Variants in SRSF4 observed in about 807,000 individuals in gnomAD.
SRSF4 encodes serine/arginine-rich splicing factor 4.
A neutral mutation model predicts 48.8 loss-of-function variants in SRSF4; 12 were observed. That is an observed-to-expected ratio of 0.25 (90% CI 0.16 to 0.40). The LOEUF (loss-of-function observed/expected upper bound fraction) is 0.40. SRSF4 is among the 10% of genes least tolerant of loss of function. SRSF4 has a pLI of 1.00. For missense variants in SRSF4, 466 were observed against 667.1 expected (o/e 0.70, Z 3.32); for synonymous variants, 248 against 232.5 (o/e 1.07, Z -0.61).
chr1:29,149,835 C>T (rs1043282028), intron 5 of SRSF4, among the ~76,000 whole-genome samples: 1 of 151,720 alleles, frequency 6.6e-6, no homozygotes, highest in African/African-American at 2.4e-5. Flanking sequence ...TTAAGATTAG[C>T]CTGGGCAACA....
intron 1 of SRSF4, among the ~76,000 whole-genome samples, chr1:29,164,841 G>T (rs999704689): frequency 6.6e-6 from 1 of 152,262 alleles, no homozygotes; most frequent in African/African-American, 2.4e-5. Context: ...CACCCTTCAA[G>T]TAAGAGAAGA....
At chr1:29,159,581 C>G (rs1463610871) in intron 2 of SRSF4, 95 bp from the exon 3 acceptor site, 4 of 714,754 alleles carry the variant, frequency 5.6e-6, no homozygotes, top group Non-Finnish European at 9.1e-6. Context: ...TTATTTACCC[C>G]CACCCCAAAC....
intron 4 of SRSF4, among the ~76,000 whole-genome samples, 176 bp from the exon 5 acceptor site, chr1:29,150,368 G>A (rs755916415): frequency 2.6e-5 from 4 of 152,024 alleles, no homozygotes; most frequent in African/African-American, 7.3e-5. Flanking sequence ...GAGTTCAAGC[G>A]ATTCTCCTGC....
rs373870546 is a variant in SRSF4, at chr1:29,148,327, T to A, written c.*83A>T. ...GAGTTAAAAATGTACAGCAGTGACA[T>A]GTTCTACTCCAATCACTTGTGCTAC... On this transcript the variant is annotated 3_prime_UTR_variant, in exon 6 of 6. Coordinates refer to ENST00000373795, the MANE Select transcript of SRSF4 (RefSeq NM_005626.5). 9.3e-6 allele frequency: 14 copies of A among 1,504,176 alleles called. No individual in the cohort carries two copies. In the East Asian group the frequency reaches 1.1e-4, roughly 12 times the overall value. The allele number at this position is 1,504,176 out of a possible 1,614,324, so 93.2% of individuals were successfully genotyped here. A position where few individuals can be genotyped will look rare whatever the true frequency, so the allele number is the denominator to read the frequency against.
intron 1 of SRSF4, among the ~76,000 whole-genome samples, chr1:29,175,295 C>A (rs1672822215): frequency 6.6e-6 from 1 of 151,942 alleles, no homozygotes; most frequent in South Asian, 2.1e-4. Context: ...CACCTGTAAT[C>A]CCAGCTACTT....
At chr1:29,155,816 A>C (rs960263617) in intron 3 of SRSF4, among the ~76,000 whole-genome samples, 2 of 152,198 alleles carry the variant, frequency 1.3e-5, no homozygotes, top group African/African-American at 4.8e-5. Flanking sequence ...TTATAGTGAC[A>C]AATTATTTGT....
chr1:29,154,981 G>T, intron 3 of SRSF4, 71 bp from the exon 4 acceptor site: 2 of 1,395,368 alleles, frequency 1.4e-6, no homozygotes, highest in South Asian at 1.3e-5. Flanking sequence ...TCATCTGAGT[G>T]AATTTTTCCT....
chr1:29,174,191 C>T (rs1672797825), intron 1 of SRSF4, among the ~76,000 whole-genome samples: 1 of 95,750 alleles, frequency 1.0e-5, no homozygotes, highest in Admixed American at 1.3e-4. Flanking sequence ...GAGACCCCAT[C>T]TCAAAAAAAA....
At chr1:29,177,542 A>C (rs948882394) in intron 1 of SRSF4, among the ~76,000 whole-genome samples, 1 of 152,178 alleles carries the variant, frequency 6.6e-6, no homozygotes, top group Non-Finnish European at 1.5e-5. Flanking sequence ...TTGGCCTCTC[A>C]AAGTGCCGGG....
At chr1:29,181,498 C>A (rs1672956525) in intron 1 of SRSF4, 148 bp downstream of exon 1, 1 of 617,374 alleles carries the variant, frequency 1.6e-6, no homozygotes, top group Non-Finnish European at 2.6e-6. Flanking sequence ...GGCCTACCCG[C>A]GCCCCCGAGG....
intron 4 of SRSF4, among the ~76,000 whole-genome samples, chr1:29,151,216 C>T (rs983753748): frequency 2.6e-4 from 39 of 152,180 alleles, no homozygotes; most frequent in African/African-American, 6.5e-4. Flanking sequence ...AAATGTTTAA[C>T]CTGCATCTCA....
In SRSF4 at chr1:29,156,110, C is replaced by T. The variant is rs557870642; in HGVS notation, c.364-1200G>A. On this transcript the variant is annotated intron_variant, in intron 3 of 5. Transcript: ENST00000373795. ...TGGCTCACACCTGTAATCCCAACAC[C>T]TTGGGAGGCCAAGGCCAGGAGATCA... Among the ~76,000 whole-genome samples the T allele has an allele frequency of 4.6e-5, 7 of 152,184 alleles. No homozygotes were observed. The South Asian group carries it at 1.0e-3, about 23-fold the overall frequency.
Position 29,154,708 on chromosome 1 carries a change from C to T in SRSF4, c.566G>A (p.Arg189Gln), listed in dbSNP as rs923337078. Residue 189 changes from arginine to glutamine, a missense_variant, in exon 4 of 6, where the codon CGG becomes CAG. This residue lies in a region of SRSF4 where 402 missense variants were observed against 437.0 expected (regional missense o/e 0.92). Coordinates refer to ENST00000373795, the MANE Select transcript of SRSF4 (RefSeq NM_005626.5). The stretch of plus-strand genomic sequence containing the variant: ...ACATCAACAGTACCTTGAATGACTC[C>T]GGCTTCTGGAGTAGGACCGGCGTCG... Reference protein sequence around the residue: ...SRRRRSYSRSRSHSRSRSRSR... With the variant: ...SRRRRSYSRSQSHSRSRSRSR... The T allele has an allele frequency of 1.1e-5, 18 of 1,614,038 alleles. No individual in the cohort carries two copies. Among genetic ancestry groups the T allele is most frequent in the African/African-American group, 2.7e-5 (2 of 74,926 alleles).
intron 1 of SRSF4, among the ~76,000 whole-genome samples, chr1:29,175,775 T>C (rs1025709421): frequency 3.8e-4 from 58 of 151,456 alleles, no homozygotes; most frequent in African/African-American, 1.3e-3. Flanking sequence ...GGTCTTTAAT[T>C]TTAACTATAC....
At chr1:29,160,548 T>G in intron 1 of SRSF4, 31 bp from the exon 2 acceptor site, 1 of 1,570,750 alleles carries the variant, frequency 6.4e-7, no homozygotes. Context: ...TACTGGTTGG[T>G]ACCATTTTGA....
intron 1 of SRSF4, chr1:29,171,310 G>C (rs1028710623): frequency 6.6e-6 from 1 of 150,966 alleles, no homozygotes; most frequent in Non-Finnish European, 1.5e-5. Flanking sequence ...AACAAGCCCG[G>C]AAACCTGAAC....
In SRSF4 at chr1:29,148,964, C is replaced by T. The variant is rs772713868; in HGVS notation, c.931G>A (p.Glu311Lys). The T allele has an allele frequency of 1.9e-5, 30 of 1,612,584 alleles. No homozygotes were observed. In the South Asian group the frequency reaches 3.2e-4, roughly 17 times the overall value. ...RSRSQERRVEEEKRGSVSRGR... is the reference protein window; with the variant it reads ...RSRSQERRVEKEKRGSVSRGR... The stretch of plus-strand genomic sequence containing the variant: ...CTGCTCACACTCCCTCGCTTCTCCT[C>T]CTCCACTCTCCTCTCCTGACTCCTG... The change falls in exon 6 of 6, where the codon GAG (glutamate) becomes AAG (lysine). Residue 311 changes from glutamate to lysine, a missense_variant. Transcript: ENST00000373795.
At chr1:29,157,952 T>C (rs146856624) in intron 3 of SRSF4, among the ~76,000 whole-genome samples, 1 of 152,200 alleles carries the variant, frequency 6.6e-6, no homozygotes, top group African/African-American at 2.4e-5. Context: ...GGTGGATCAC[T>C]TGTGGTCAGG....
chr1:29,160,385 A>C lies in SRSF4; in HGVS notation c.240T>G (p.Gly80=). 6.2e-7 allele frequency: 1 copy of C among 1,613,474 alleles called. No homozygotes were observed. Among genetic ancestry groups the C allele is most frequent in the South Asian group, 1.1e-5 (1 of 90,968 alleles). ...ARGPRRDGSY[G]SGRSGYGYRR... ...CCTTTGAATGCTTACTGCGTCCAGA[A>C]CCGTAACTGCCATCTCGCCGTGGGC... The change falls in exon 2 of 6, where the codon GGT becomes GGG. Residue 80 remains glycine, a synonymous_variant. Transcript: ENST00000373795.
Sources: allele counts gnomAD v4.1 joint callset (sites outside exome capture counted in the v4.1 genomes callset), GRCh38; gene constraint gnomAD v4.1.1; regional missense constraint gnomAD v4.1.1; transcripts MANE v1.5; gene names NCBI Gene and HGNC (gene_info 2026-07-23, HGNC 2026-07-21).